Variants in CNNM3 observed in about 807,000 individuals in gnomAD.
CNNM3 encodes the protein metal transporter CNNM3.
A neutral mutation model predicts 57.1 loss-of-function variants in CNNM3; 47 were observed. That is an observed-to-expected ratio of 0.82 (90% CI 0.65 to 1.05). The LOEUF is 1.05. Among genes scored for constraint, CNNM3 ranks in the 50% least tolerant of loss-of-function variants. CNNM3 has a pLI of 0.00. For synonymous variants in CNNM3, 507 were observed against 478.2 expected (o/e 1.06, Z -0.79); for missense variants, 957 against 973.7 (o/e 0.98, Z 0.23).
intron 6 of CNNM3, 56 bp from the exon 7 acceptor site, chr2:96,828,940 C>G (rs1460895825): frequency 6.2e-7 from 1 of 1,600,612 alleles, no homozygotes; most frequent in African/African-American, 1.3e-5. Flanking sequence ...CCTTTCCTGC[C>G]TACCTTCTGC....
intron 7 of CNNM3, 39 bp from the exon 8 acceptor site, chr2:96,832,513 C>T: frequency 1.2e-6 from 2 of 1,613,188 alleles, no homozygotes; most frequent in Non-Finnish European, 1.7e-6. Context: ...GATACTTTAC[C>T]AGCTTTGATG....
intron 2 of CNNM3, among the ~76,000 whole-genome samples, chr2:96,826,088 G>T (rs560937851): frequency 6.6e-6 from 1 of 152,202 alleles, no homozygotes; most frequent in Admixed American, 6.5e-5. Flanking sequence ...CTCTAGTTCC[G>T]TTCTTGAGAC....
chr2:96,818,894 T>C (rs1005187246), intron 1 of CNNM3, among the ~76,000 whole-genome samples: 3 of 152,188 alleles, frequency 2.0e-5, no homozygotes, highest in Non-Finnish European at 2.9e-5. Flanking sequence ...GGCAGGATGT[T>C]TCTGGCACCG....
chr2:96,816,528 C>T lies in CNNM3; in HGVS notation c.251C>T (p.Ala84Val), dbSNP rs1278554139. 5 of 1,363,434 alleles carry T rather than the reference C, an allele frequency of 3.7e-6. No individual in the cohort carries two copies. The highest frequency in any genetic ancestry group is 1.8e-5 in the South Asian group (1 of 56,728). 84.5% of individuals were successfully genotyped at this position (1,363,434 alleles called of 1,614,324 possible). A position where few individuals can be genotyped will look rare whatever the true frequency, so the allele number is the denominator to read the frequency against. Residue 84 changes from alanine to valine, a missense_variant, in exon 1 of 8, where the codon GCG becomes GTG. By Grantham distance (64) the Ala-to-Val change is moderately conservative (BLOSUM62 0). Coordinates refer to ENST00000305510, the MANE Select transcript of CNNM3 (RefSeq NM_017623.5). ...TGGTCCTGGGTGGCCCCGGAGGGGGCGGGCTGCCGGGAGGAGGCGGCCTCC... is the reference window on the plus strand; with the variant it reads ...TGGTCCTGGGTGGCCCCGGAGGGGGTGGGCTGCCGGGAGGAGGCGGCCTCC... Reference protein sequence around the residue: ...SSWSWVAPEGAGCREEAASPA... With the variant: ...SSWSWVAPEGVGCREEAASPA...
At chr2:96,831,192 C>T (rs1353693420) in intron 7 of CNNM3, among the ~76,000 whole-genome samples, 1 of 152,220 alleles carries the variant, frequency 6.6e-6, no homozygotes, top group Non-Finnish European at 1.5e-5. Context: ...GTTATTTTCA[C>T]TTAAGTACAA....
In CNNM3 at chr2:96,825,019, G is replaced by GT. The variant is rs572609824; in HGVS notation, c.1226-39_1226-38insT. 1.5e-3 allele frequency: 2,434 copies of GT among 1,609,568 alleles called. 8 individuals carry two copies. The highest frequency in any genetic ancestry group is 2.8e-3 in the African/African-American group (207 of 74,928). On this transcript the variant is annotated intron_variant, in intron 1 of 7. Coordinates refer to ENST00000305510, the MANE Select transcript of CNNM3 (RefSeq NM_017623.5). ...AGGGGAGATGAATCAAACTGGGGGGGGCCCAGCAAGCTGTTCCATGAGTGT... is the reference window on the plus strand; with the variant it reads ...AGGGGAGATGAATCAAACTGGGGGGGTGCCCAGCAAGCTGTTCCATGAGTGT...
Position 96,826,884 on chromosome 2 carries a change from GGAA to G in CNNM3, c.1423_1425del (p.Lys475del). The G allele has an allele frequency of 6.2e-7, 1 of 1,614,212 alleles. No homozygotes were observed. Among genetic ancestry groups the G allele is most frequent in the Non-Finnish European group, 8.5e-7 (1 of 1,180,018 alleles). ...GCTTCTCTGATGGCCCCTCTGAAGC[GGAA>G]GGAGGAGTTCTCCTTGTTCAAGGTG... is the stretch of plus-strand genomic sequence containing the variant. On this transcript the variant is annotated inframe_deletion, in exon 3 of 8. Transcript: ENST00000305510.
rs778887659 is a variant in CNNM3, at chr2:96,817,158, C to G, written c.881C>G (p.Ala294Gly). Residue 294 changes from alanine (A) to glycine (G), a missense_variant, in exon 1 of 8, where the codon GCG becomes GGG. Coordinates refer to ENST00000305510, the MANE Select transcript of CNNM3 (RefSeq NM_017623.5). ...GRLRERVLEL[A>G]RGGGDPYSDL... Reference sequence around the variant, plus strand: ...CTGCGGGAGCGGGTGCTGGAGCTGGCGCGCGGCGGCGGCGACCCCTACAGC... The same window carrying G: ...CTGCGGGAGCGGGTGCTGGAGCTGGGGCGCGGCGGCGGCGACCCCTACAGC... 3 of 1,427,120 alleles carry G rather than the reference C, an allele frequency of 2.1e-6. No homozygotes were observed. In the African/African-American group the frequency reaches 4.4e-5, roughly 21 times the overall value. The allele number at this position is 1,427,120 out of a possible 1,614,324, so 88.4% of individuals were successfully genotyped here.
chr2:96,818,585 T>G (rs2079360583), intron 1 of CNNM3, among the ~76,000 whole-genome samples: 1 of 152,094 alleles, frequency 6.6e-6, no homozygotes, highest in Non-Finnish European at 1.5e-5. Context: ...GGTCTCAAGT[T>G]CTCCCTTAAC....
In CNNM3 at chr2:96,825,152, G is replaced by T; in HGVS notation, c.1320G>T (p.Val440=). 6.2e-7 allele frequency: 1 copy of T among 1,614,134 alleles called. No homozygotes were observed. Among genetic ancestry groups the T allele is most frequent in the African/African-American group, 1.3e-5 (1 of 75,052 alleles). The stretch of plus-strand genomic sequence containing the variant: ...TGGGCCTGGTCACCCTGGAGGACGT[G>T]ATCGAGGAGATCATCAGGTCCGAGA... ...EVLGLVTLED[V]IEEIIRSEIL... Residue 440 remains valine (V), a synonymous_variant, in exon 2 of 8, where the codon GTG becomes GTT. Coordinates refer to ENST00000305510, the MANE Select transcript of CNNM3 (RefSeq NM_017623.5).
At chr2:96,831,631 CTA>C (rs1191325088) in intron 7 of CNNM3, among the ~76,000 whole-genome samples, 1 of 152,204 alleles carries the variant, frequency 6.6e-6, no homozygotes, top group East Asian at 1.9e-4. Flanking sequence ...CCTACAAAAA[CTA>C]AAAATATTGG....
Position 96,833,079 on chromosome 2 carries a change from A to AAGCC in CNNM3, c.*463_*464insAGCC. 1 of 1,219,312 alleles carries AAGCC rather than the reference A, an allele frequency of 8.2e-7. No homozygotes were observed. Among genetic ancestry groups the AAGCC allele is most frequent in the South Asian group, 1.3e-5 (1 of 78,978 alleles). 75.5% of individuals were successfully genotyped at this position (1,219,312 alleles called of 1,614,324 possible). Reference sequence around the variant, plus strand: ...AGCACTTTTTGAGCAAGCCGAGAGCACCCATTTTGGCTGGGGGTTCAGATC... The same window carrying AAGCC: ...AGCACTTTTTGAGCAAGCCGAGAGCAAGCCCCCATTTTGGCTGGGGGTTCAGATC... On this transcript the variant is annotated 3_prime_UTR_variant, in exon 8 of 8. Transcript: ENST00000305510.
At chr2:96,818,420 T>A (rs946056351) in intron 1 of CNNM3, among the ~76,000 whole-genome samples, 1 of 151,632 alleles carries the variant, frequency 6.6e-6, no homozygotes, top group Non-Finnish European at 1.5e-5. Flanking sequence ...CTCCTGTTTT[T>A]TAAAATTTTA....
At chr2:96,822,510 A>G (rs2079424931) in intron 1 of CNNM3, among the ~76,000 whole-genome samples, 1 of 151,984 alleles carries the variant, frequency 6.6e-6, no homozygotes, top group South Asian at 2.1e-4. Flanking sequence ...GGGTCTCCCT[A>G]TGTTGCCCAG....
At chr2:96,818,511 A>G (rs1324015048) in intron 1 of CNNM3, among the ~76,000 whole-genome samples, 1 of 151,474 alleles carries the variant, frequency 6.6e-6, no homozygotes, top group Non-Finnish European at 1.5e-5. Context: ...TTGGCCTCCC[A>G]AAGTGTTGGG....
At chr2:96,828,381 G>T in intron 5 of CNNM3, 186 bp downstream of exon 5, 1 of 845,786 alleles carries the variant, frequency 1.2e-6, no homozygotes, top group Non-Finnish European at 1.8e-6. Flanking sequence ...CAACTTTGTG[G>T]CCCACTCCAC....
intron 3 of CNNM3, 147 bp downstream of exon 3, chr2:96,827,129 C>A: frequency 1.2e-6 from 1 of 865,172 alleles, no homozygotes; most frequent in Non-Finnish European, 1.7e-6. Flanking sequence ...GCCCTGCCAG[C>A]ATCTTGGGTC....
intron 4 of CNNM3, 69 bp downstream of exon 4, chr2:96,827,969 G>C: frequency 6.3e-7 from 1 of 1,582,424 alleles, no homozygotes; most frequent in Non-Finnish European, 8.6e-7. Flanking sequence ...AGGAGAAGAG[G>C]GGAGCAGGGG....
At chr2:96,819,395 G>C (rs1166095083) in intron 1 of CNNM3, among the ~76,000 whole-genome samples, 2 of 152,252 alleles carry the variant, frequency 1.3e-5, no homozygotes, top group African/African-American at 2.4e-5. Context: ...TGCTGTTAGT[G>C]ATAAGAGTGG....
Sources: gnomAD v4.1 joint callset for allele counts (sites outside exome capture counted in the v4.1 genomes callset) on GRCh38, gnomAD v4.1.1 for gene constraint, MANE v1.5 for transcripts, NCBI Gene and HGNC (gene_info 2026-07-23, HGNC 2026-07-21) for gene names.